The following WWOX variants were observed in gnomAD, a reference collection of about 807,000 sequenced individuals.
WWOX encodes WW domain containing oxidoreductase.
Under a neutral mutation model 46.2 loss-of-function variants are expected in WWOX, and 69 were observed. That is an observed-to-expected ratio of 1.49 (90% CI 1.23 to 1.82). The LOEUF is 1.82. WWOX is among the 40% of genes most tolerant of loss of function. The pLI is 0.00. For synonymous variants in WWOX, 359 were observed against 202.6 expected, an observed-to-expected ratio of 1.77 and a Z score of -6.56; for missense variants, 919 against 542.6, an observed-to-expected ratio of 1.69 and a Z score of -6.89.
intron 5 of WWOX, among the ~76,000 whole-genome samples, chr16:78,297,320 GC>G (rs1259347374): frequency 6.6e-6 from 1 of 152,024 alleles, no homozygotes; most frequent in East Asian, 1.9e-4. Context: ...CTGTTCCATG[GC>G]CCCATATTTC....
At chr16:78,663,347 A>G (rs1218773015) in intron 8 of WWOX, among the ~76,000 whole-genome samples, 1 of 152,198 alleles carries the variant, frequency 6.6e-6, no homozygotes, top group Non-Finnish European at 1.5e-5. Flanking sequence ...GAACCAATCT[A>G]ACTAATACTT....
chr16:78,480,204 T>G (rs1397722640), intron 8 of WWOX, among the ~76,000 whole-genome samples: 1 of 152,196 alleles, frequency 6.6e-6, no homozygotes, highest in Non-Finnish European at 1.5e-5. Context: ...TTTCAAATCT[T>G]CAGTAGCCAG....
chr16:78,741,366 G>T (rs183905773), intron 8 of WWOX, among the ~76,000 whole-genome samples: 41 of 152,258 alleles, frequency 2.7e-4, no homozygotes, highest in Non-Finnish European at 7.4e-5. Context: ...ATCGAGATCA[G>T]CCGGGCCAAC....
At chr16:78,973,792 T>C (rs1452150397) in intron 8 of WWOX, among the ~76,000 whole-genome samples, 1 of 152,246 alleles carries the variant, frequency 6.6e-6, no homozygotes, top group Admixed American at 6.5e-5. Flanking sequence ...TGTGCTGATA[T>C]GCGGGCAGGG....
intron 8 of WWOX, among the ~76,000 whole-genome samples, chr16:79,010,708 G>A (rs921493827): frequency 6.6e-6 from 1 of 152,006 alleles, no homozygotes; most frequent in African/African-American, 2.4e-5. Context: ...GGCAGAGGAG[G>A]TTTGGCCATG....
At chr16:78,888,120 G>A (rs190135632) in intron 8 of WWOX, among the ~76,000 whole-genome samples, 46 of 152,270 alleles carry the variant, frequency 3.0e-4, no homozygotes, top group Admixed American at 2.2e-3. Context: ...TCTTGTTGTA[G>A]TGTCAGTGCC....
At chr16:78,649,008 C>G (rs970043651) in intron 8 of WWOX, among the ~76,000 whole-genome samples, 6 of 152,150 alleles carry the variant, frequency 3.9e-5, no homozygotes, top group Non-Finnish European at 8.8e-5. Context: ...GAGTCTCGCT[C>G]TGTCACCCAG....
intron 5 of WWOX, among the ~76,000 whole-genome samples, chr16:78,190,029 C>G (rs568382808): frequency 5.5e-4 from 84 of 152,314 alleles, no homozygotes; most frequent in Non-Finnish European, 9.0e-4. Flanking sequence ...GTTATCTTGT[C>G]CAGCACATGT....
At chr16:78,117,876 C>T (rs899285419) in intron 4 of WWOX, among the ~76,000 whole-genome samples, 4 of 152,116 alleles carry the variant, frequency 2.6e-5, no homozygotes, top group African/African-American at 7.2e-5. Flanking sequence ...AAATCTTTAA[C>T]CCTGTGAATG....
intron 8 of WWOX, among the ~76,000 whole-genome samples, chr16:79,144,104 G>T (rs926322058): frequency 4.6e-5 from 7 of 152,176 alleles, no homozygotes; most frequent in African/African-American, 1.7e-4. Flanking sequence ...TTGCTATGTT[G>T]CCCAGGCTTG....
intron 8 of WWOX, among the ~76,000 whole-genome samples, chr16:78,453,849 A>G (rs935573026): frequency 2.0e-5 from 3 of 152,072 alleles, no homozygotes; most frequent in Admixed American, 6.6e-5. Flanking sequence ...TTTATTTTAT[A>G]GTGAAGATTT....
At chr16:79,061,736 C>G (rs529577810) in intron 8 of WWOX, among the ~76,000 whole-genome samples, 49 of 152,326 alleles carry the variant, frequency 3.2e-4, no homozygotes, top group African/African-American at 1.2e-3. Context: ...GGCTACTTCT[C>G]TTAGAGTCGT....
intron 8 of WWOX, among the ~76,000 whole-genome samples, chr16:79,005,485 G>A (rs141987031): frequency 3.9e-5 from 6 of 152,318 alleles, no homozygotes; most frequent in Non-Finnish European, 5.9e-5. Context: ...TGCAAGTCGA[G>A]GTTTCGGCAA....
intron 8 of WWOX, among the ~76,000 whole-genome samples, chr16:78,540,374 T>C (rs2043862744): frequency 6.6e-6 from 1 of 152,202 alleles, no homozygotes; most frequent in Non-Finnish European, 1.5e-5. Flanking sequence ...TGCCTGGGCC[T>C]GGATTTTTCC....
At chr16:79,204,270 C>T (rs904266299) in intron 8 of WWOX, 5 of 152,132 alleles carry the variant, frequency 3.3e-5, no homozygotes, top group Admixed American at 2.6e-4. Flanking sequence ...ACAATACCTT[C>T]TCTTAGTTCT....
chr16:79,178,765 G>T (rs1378314707), intron 8 of WWOX, among the ~76,000 whole-genome samples: 1 of 152,128 alleles, frequency 6.6e-6, no homozygotes, highest in Admixed American at 6.5e-5. Context: ...AAAACGTTTG[G>T]TCGACTAATT....
intron 8 of WWOX, among the ~76,000 whole-genome samples, chr16:78,783,922 G>A (rs934119678): frequency 4.7e-4 from 71 of 152,018 alleles, no homozygotes; most frequent in African/African-American, 1.7e-3. Context: ...TGATGATGTC[G>A]ATAATGATGG....
intron 8 of WWOX, among the ~76,000 whole-genome samples, chr16:78,514,776 A>G (rs1376827865): frequency 6.6e-6 from 1 of 152,222 alleles, no homozygotes; most frequent in East Asian, 1.9e-4. Flanking sequence ...AGATATACAT[A>G]AATAATGTTA....
intron 5 of WWOX, among the ~76,000 whole-genome samples, chr16:78,225,074 T>G (rs2037007244): frequency 6.6e-6 from 1 of 152,092 alleles, no homozygotes; most frequent in Non-Finnish European, 1.5e-5. Flanking sequence ...TTCTGAAAAA[T>G]GTATTGTCGG....
Sources: gnomAD v4.1 joint callset for allele counts (sites outside exome capture counted in the v4.1 genomes callset) on GRCh38, gnomAD v4.1.1 for gene constraint, MANE v1.5 for transcripts, NCBI Gene and HGNC (gene_info 2026-07-23, HGNC 2026-07-21) for gene names.